Variants in OSBPL11 observed in about 807,000 individuals in gnomAD.
The protein encoded by OSBPL11 is oxysterol-binding protein-related protein 11.
A neutral mutation model predicts 84.4 loss-of-function variants in OSBPL11; 33 were observed. The observed-to-expected ratio is 0.39, with a 90% CI of 0.30 to 0.52. OSBPL11 has a LOEUF of 0.52. OSBPL11 is among the 20% of genes least tolerant of loss of function. OSBPL11 has a pLI of 0.72. For synonymous variants in OSBPL11, 276 were observed against 310.2 expected, an observed-to-expected ratio of 0.89 and a Z score of 1.16; for missense variants, 736 against 901.1, an observed-to-expected ratio of 0.82 and a Z score of 2.35.
chr3:125,575,223 TAAC>T (rs1451961677), intron 5 of OSBPL11, among the ~76,000 whole-genome samples: 5 of 152,282 alleles, frequency 3.3e-5, no homozygotes, highest in Admixed American at 2.6e-4. Flanking sequence ...ATTTAGAACT[TAAC>T]AAACTGCGTG....
Position 125,594,705 on chromosome 3 carries a change from G to A in OSBPL11, c.96C>T (p.Ser32=). Residue 32 remains serine, a synonymous_variant, in exon 1 of 13, where the codon AGC becomes AGT. Transcript: ENST00000296220. ...TGCTACTGATTCCACCTCCACAGCT[G>A]CTGTTCTTGTTCGGGGTCACCGCTG... ...QATAVTPNKN[S]SCGGGISSSS... 3 of 1,614,158 alleles carry A rather than the reference G, an allele frequency of 1.9e-6. No individual in the cohort carries two copies. Among genetic ancestry groups the A allele is most frequent in the Non-Finnish European group, 1.7e-6 (2 of 1,180,036 alleles).
chr3:125,530,579 C>T lies in OSBPL11; in HGVS notation c.2180G>A (p.Gly727Glu), dbSNP rs1277585801. The change falls in exon 13 of 13, where the codon GGA (glycine) becomes GAA (glutamate). Residue 727 changes from glycine to glutamate, a missense_variant and splice_region_variant. Coordinates refer to ENST00000296220, the MANE Select transcript of OSBPL11 (RefSeq NM_022776.5). Reference protein sequence around the residue: ...PWKTKYFIKEGDGWVYHKPLW... With the variant: ...PWKTKYFIKEEDGWVYHKPLW... ...TGGTTTATGATAAACCCAGCCATCT[C>T]CCTGAAACAAATAAAAAGATAAAGA... 2.5e-6 allele frequency: 4 copies of T among 1,612,168 alleles called. No individual in the cohort carries two copies. The Admixed American group carries it at 5.0e-5, about 20-fold the overall frequency.
chr3:125,559,943 A>G (rs1280158464), intron 8 of OSBPL11, among the ~76,000 whole-genome samples: 2 of 151,576 alleles, frequency 1.3e-5, no homozygotes, highest in Non-Finnish European at 3.0e-5. Flanking sequence ...AAAAAAAAAA[A>G]TCATAAAAAA....
chr3:125,569,024 T>C (rs1177366912), intron 5 of OSBPL11, among the ~76,000 whole-genome samples: 2 of 152,174 alleles, frequency 1.3e-5, no homozygotes, highest in African/African-American at 4.8e-5. Context: ...CACGGCTCAC[T>C]GTAGCCTTGA....
At position 125,530,453 on chromosome 3, in the gene OSBPL11, T is replaced by G; in HGVS notation, c.*62A>C. 1 of 1,467,258 alleles carries G rather than the reference T, an allele frequency of 6.8e-7. No individual in the cohort carries two copies. Among genetic ancestry groups the G allele is most frequent in the Non-Finnish European group, 9.5e-7 (1 of 1,047,582 alleles). The allele number at this position is 1,467,258 out of a possible 1,614,324, so 90.9% of individuals were successfully genotyped here. ...AGGTCACTCAGTGCAATGACTCCAT[T>G]CTGGGAGGATTTAGGGTAAACAGAG... On this transcript the variant is annotated 3_prime_UTR_variant, in exon 13 of 13. Transcript: ENST00000296220.
chr3:125,552,620 A>T lies in OSBPL11; in HGVS notation c.1215T>A (p.Phe405Leu). ...KRSLLEMYAD[F>L]MSHPDLFIAI... ...CTATAAATAGGTCTGGATGAGACAT[A>T]AAGTCTGCATACATTTCCAGCAAGG... Residue 405 changes from phenylalanine to leucine, a missense_variant, in exon 9 of 13, where the codon TTT becomes TTA. Around this residue, in one of 3 missense-constraint regions of OSBPL11, gnomAD observed 579 missense variants for 717.6 expected, o/e 0.81. Coordinates refer to ENST00000296220, the MANE Select transcript of OSBPL11 (RefSeq NM_022776.5). 1 of 1,614,006 alleles carries T rather than the reference A, an allele frequency of 6.2e-7. No homozygotes were observed. Among genetic ancestry groups the T allele is most frequent in the Non-Finnish European group, 8.5e-7 (1 of 1,179,862 alleles).
chr3:125,578,356 A>C (rs545802612), intron 4 of OSBPL11, among the ~76,000 whole-genome samples: 1 of 152,288 alleles, frequency 6.6e-6, no homozygotes, highest in Admixed American at 6.5e-5. Flanking sequence ...AGAGTTTGCT[A>C]GGGGATTGGG....
chr3:125,538,870 C>A (rs1935680644), intron 10 of OSBPL11, among the ~76,000 whole-genome samples: 1 of 152,048 alleles, frequency 6.6e-6, no homozygotes, highest in African/African-American at 2.4e-5. Context: ...AAATCAGAGA[C>A]TTCATTATCA....
At chr3:125,577,459 C>T (rs544732532) in intron 4 of OSBPL11, among the ~76,000 whole-genome samples, 89 of 152,236 alleles carry the variant, frequency 5.8e-4, no homozygotes, top group African/African-American at 2.1e-3. Flanking sequence ...CAATAAGATT[C>T]CACTTCATAT....
At chr3:125,552,141 G>GTATATATATATATATATA (rs10541213) in intron 9 of OSBPL11, 40 bp downstream of exon 9, 1 of 803,922 alleles carries the variant, frequency 1.2e-6, no homozygotes, top group South Asian at 3.2e-5. Context: ...ATGTGTGTGT[G>GTATATATATATATATATA]TATATATATA....
chr3:125,530,447 C>T lies in OSBPL11; in HGVS notation c.*68G>A. ...GGAAGCAGGTCACTCAGTGCAATGA[C>T]TCCATTCTGGGAGGATTTAGGGTAA... On this transcript the variant is annotated 3_prime_UTR_variant, in exon 13 of 13. Coordinates refer to ENST00000296220, the MANE Select transcript of OSBPL11 (RefSeq NM_022776.5). 7.0e-7 allele frequency: 1 copy of T among 1,419,568 alleles called. No homozygotes were observed. The highest frequency in any genetic ancestry group is 1.2e-5 in the South Asian group (1 of 86,208). 87.9% of individuals were successfully genotyped at this position (1,419,568 alleles called of 1,614,324 possible).
At chr3:125,562,921 C>T (rs2107600614) in intron 7 of OSBPL11, among the ~76,000 whole-genome samples, 1 of 150,832 alleles carries the variant, frequency 6.6e-6, no homozygotes, top group South Asian at 2.1e-4. Context: ...AGCGAAACTC[C>T]ATCTCAAAAA....
chr3:125,584,048 A>G (rs1936468279), intron 1 of OSBPL11, among the ~76,000 whole-genome samples: 1 of 152,146 alleles, frequency 6.6e-6, no homozygotes, highest in Non-Finnish European at 1.5e-5. Flanking sequence ...TTAGGTACTT[A>G]GTACACAGCT....
intron 9 of OSBPL11, among the ~76,000 whole-genome samples, chr3:125,550,543 C>T (rs190053918): frequency 3.0e-4 from 46 of 152,256 alleles, no homozygotes; most frequent in Admixed American, 1.2e-3. Context: ...AGGATACTTT[C>T]TTCATAACGA....
At chr3:125,572,082 T>A (rs1580056328) in intron 5 of OSBPL11, among the ~76,000 whole-genome samples, 1 of 152,356 alleles carries the variant, frequency 6.6e-6, no homozygotes, top group East Asian at 1.9e-4. Context: ...GGAACCCACC[T>A]CTTCCATCAG....
At chr3:125,562,074 C>T (rs1423343591) in intron 7 of OSBPL11, among the ~76,000 whole-genome samples, 1 of 152,136 alleles carries the variant, frequency 6.6e-6, no homozygotes, top group African/African-American at 2.4e-5. Flanking sequence ...CCTTCAAATC[C>T]TGTCTCCTTT....
At chr3:125,577,462 C>A (rs749357251) in intron 4 of OSBPL11, among the ~76,000 whole-genome samples, 3 of 152,158 alleles carry the variant, frequency 2.0e-5, no homozygotes, top group Non-Finnish European at 4.4e-5. Flanking sequence ...TAAGATTCCA[C>A]TTCATATCCA....
Position 125,535,023 on chromosome 3 carries a change from G to A in OSBPL11, c.2025-3009C>T, listed in dbSNP as rs150767149. 3.2e-3 allele frequency among the ~76,000 whole-genome samples: 279 copies of A among 88,244 alleles called. 1 individual carries two copies. In the Middle Eastern group the frequency reaches 0.045, roughly 14 times the overall value. 57.9% of individuals were successfully genotyped at this position (88,244 alleles called of 152,430 possible). ...GGAGAAAAAAAGAGATTTTATAAAA[G>A]AGCAAAATTCAATGAGAAAGAAAAC... On this transcript the variant is annotated intron_variant, in intron 11 of 12. Transcript: ENST00000296220.
intron 4 of OSBPL11, among the ~76,000 whole-genome samples, chr3:125,577,373 A>G (rs781641134): frequency 6.6e-6 from 1 of 152,238 alleles, no homozygotes; most frequent in Non-Finnish European, 1.5e-5. Flanking sequence ...CAAAGAAGAT[A>G]TACAAATGAC....
Sources: allele counts gnomAD v4.1 joint callset (sites outside exome capture counted in the v4.1 genomes callset), GRCh38; gene constraint gnomAD v4.1.1; regional missense constraint gnomAD v4.1.1; transcripts MANE v1.5; gene names NCBI Gene and HGNC (gene_info 2026-07-23, HGNC 2026-07-21).